CADM2: variants seen among roughly 807,000 people sequenced by gnomAD.
CADM2 encodes immunoglobulin superfamily member 4D.
Under a neutral mutation model 49.8 loss-of-function variants are expected in CADM2, and 12 were observed. That is an observed-to-expected ratio of 0.24 (90% CI 0.15 to 0.39). The LOEUF (loss-of-function observed/expected upper bound fraction) is 0.39, where lower values mean the gene tolerates loss of function less well. Among genes scored for constraint, CADM2 ranks in the 10% least tolerant of loss-of-function variants. CADM2 has a pLI of 1.00. For synonymous variants in CADM2, 214 were observed against 175.4 expected, an observed-to-expected ratio of 1.22 and a Z score of -1.74; for missense variants, 378 against 492.3, an observed-to-expected ratio of 0.77 and a Z score of 2.20.
intron 1 of CADM2, among the ~76,000 whole-genome samples, chr3:85,462,235 T>A (rs1265907431): frequency 6.6e-6 from 1 of 152,126 alleles, no homozygotes; most frequent in Non-Finnish European, 1.5e-5. Context: ...CCAATATAAT[T>A]TGAAACATTG....
At chr3:85,446,356 T>C (rs553441106) in intron 1 of CADM2, among the ~76,000 whole-genome samples, 75 of 152,298 alleles carry the variant, frequency 4.9e-4, no homozygotes, top group South Asian at 1.2e-3. Flanking sequence ...CCCATAGTTG[T>C]ACTTTCAGTG....
intron 1 of CADM2, among the ~76,000 whole-genome samples, chr3:85,669,991 C>G (rs2065687765): frequency 6.6e-6 from 1 of 151,962 alleles, no homozygotes. Flanking sequence ...CTAACTAAAC[C>G]GTGATCTCAA....
chr3:85,204,713 T>C (rs1391231641), intron 1 of CADM2, among the ~76,000 whole-genome samples: 1 of 152,204 alleles, frequency 6.6e-6, no homozygotes, highest in East Asian at 1.9e-4. Flanking sequence ...ACCTGTGTTC[T>C]ATGTTTTGCT....
At chr3:85,853,814 T>C (rs1042346086) in intron 3 of CADM2, among the ~76,000 whole-genome samples, 1 of 152,098 alleles carries the variant, frequency 6.6e-6, no homozygotes, top group Non-Finnish European at 1.5e-5. Context: ...ATCAAAATAG[T>C]GCAGTGCTTG....
intron 8 of CADM2, chr3:86,014,977 A>G (rs1577954453): frequency 2.3e-6 from 3 of 1,278,780 alleles, no homozygotes; most frequent in African/African-American, 2.9e-5. Flanking sequence ...ACTTTGACAG[A>G]CCAAAGTTCG....
intron 2 of CADM2, among the ~76,000 whole-genome samples, chr3:85,746,192 T>C (rs759427647): frequency 1.3e-5 from 2 of 152,152 alleles, no homozygotes; most frequent in Non-Finnish European, 2.9e-5. Flanking sequence ...AATCCAGTAA[T>C]AACATCAAAA....
At chr3:85,553,294 T>C (rs931804901) in intron 1 of CADM2, among the ~76,000 whole-genome samples, 1 of 127,378 alleles carries the variant, frequency 7.9e-6, no homozygotes, top group African/African-American at 2.5e-5. Flanking sequence ...ATCTAGTTTA[T>C]TGTGTTTTAT....
intron 1 of CADM2, among the ~76,000 whole-genome samples, chr3:85,679,591 T>C (rs941803416): frequency 8.5e-5 from 13 of 152,154 alleles, no homozygotes; most frequent in African/African-American, 2.9e-4. Context: ...AATTTCTAGA[T>C]TGTATTATGC....
At chr3:85,871,444 T>C (rs2075923182) in intron 3 of CADM2, among the ~76,000 whole-genome samples, 1 of 152,158 alleles carries the variant, frequency 6.6e-6, no homozygotes, top group African/African-American at 2.4e-5. Context: ...GTTACTTGAA[T>C]ATAATATTTA....
intron 8 of CADM2, among the ~76,000 whole-genome samples, chr3:85,996,567 G>A (rs1038805914): frequency 2.6e-5 from 4 of 151,716 alleles, no homozygotes; most frequent in Non-Finnish European, 4.4e-5. Flanking sequence ...AAAACAATAC[G>A]TATAATATTT....
chr3:85,886,009 A>G (rs906268934), intron 4 of CADM2, among the ~76,000 whole-genome samples, 181 bp from the exon 5 acceptor site: 4 of 152,122 alleles, frequency 2.6e-5, no homozygotes, highest in Non-Finnish European at 5.9e-5. Context: ...ATATAGACAT[A>G]TACACCTAAG....
At chr3:85,905,290 G>C (rs1189050099) in intron 5 of CADM2, among the ~76,000 whole-genome samples, 2 of 152,022 alleles carry the variant, frequency 1.3e-5, no homozygotes, top group African/African-American at 4.8e-5. Flanking sequence ...AAGTTAGTCT[G>C]TCTAATTCCA....
At position 85,630,072 on chromosome 3, in the gene CADM2, T is replaced by C. The variant is rs137920655; in HGVS notation, c.62-96450T>C. 3.8e-3 allele frequency among the ~76,000 whole-genome samples: 584 copies of C among 152,100 alleles called. 5 individuals carry two copies. Among genetic ancestry groups the C allele is most frequent in the African/African-American group, 0.013 (553 of 41,552 alleles). On this transcript the variant is annotated intron_variant, in intron 1 of 9. Coordinates refer to ENST00000383699, the MANE Select transcript of CADM2 (RefSeq NM_001167675.2). ...AGTAAAACAGGTGTAATATTTTTGA[T>C]CCATTTTAGACATTTGCAACACATA...
At chr3:86,044,434 T>C (rs974393392) in intron 8 of CADM2, among the ~76,000 whole-genome samples, 1 of 152,188 alleles carries the variant, frequency 6.6e-6, no homozygotes, top group African/African-American at 2.4e-5. Context: ...AGAAGACATT[T>C]ATGCAGCCAA....
chr3:85,578,869 C>T (rs1243954743), intron 1 of CADM2, among the ~76,000 whole-genome samples: 1 of 152,132 alleles, frequency 6.6e-6, no homozygotes, highest in Non-Finnish European at 1.5e-5. Context: ...GTCATTCACA[C>T]ACTCCCATTA....
At chr3:85,217,584 A>G (rs1444034641) in intron 1 of CADM2, among the ~76,000 whole-genome samples, 1 of 151,990 alleles carries the variant, frequency 6.6e-6, no homozygotes, top group Non-Finnish European at 1.5e-5. Flanking sequence ...GGAAACAAAT[A>G]TCTCTCTGCA....
intron 1 of CADM2, among the ~76,000 whole-genome samples, chr3:85,216,477 T>C (rs1183857355): frequency 6.6e-6 from 1 of 151,478 alleles, no homozygotes; most frequent in Non-Finnish European, 1.5e-5. Context: ...AAGAGATTAA[T>C]TTGCAATAAT....
intron 3 of CADM2, among the ~76,000 whole-genome samples, chr3:85,845,456 C>A (rs540519629): frequency 6.6e-6 from 1 of 152,258 alleles, no homozygotes; most frequent in South Asian, 2.1e-4. Flanking sequence ...CCAGATGTTT[C>A]TTTCATGAAG....
At chr3:85,031,277 T>C (rs960976965) in intron 1 of CADM2, among the ~76,000 whole-genome samples, 1 of 152,160 alleles carries the variant, frequency 6.6e-6, no homozygotes, top group African/African-American at 2.4e-5. Context: ...AGGGAGCCAA[T>C]TGAGTTAGTA....
Sources: gnomAD v4.1 joint callset for allele counts (sites outside exome capture counted in the v4.1 genomes callset) on GRCh38, gnomAD v4.1.1 for gene constraint, MANE v1.5 for transcripts, NCBI Gene and HGNC (gene_info 2026-07-23, HGNC 2026-07-21) for gene names.